The following KIF26B variants were observed in gnomAD, a reference collection of about 807,000 sequenced individuals.
KIF26B encodes the protein kinesin family member 26B.
A neutral mutation model predicts 151.2 loss-of-function variants in KIF26B; 63 were observed. The ratio of observed to expected loss-of-function variants is 0.42; its 90% CI spans 0.34 to 0.51. The LOEUF is 0.51. KIF26B is among the 20% of genes least tolerant of loss of function. KIF26B has a pLI of 0.07. For missense variants in KIF26B, 2,813 were observed against 2,913.6 expected (o/e 0.97, Z 0.79); for synonymous variants, 1,357 against 1,262.1 (o/e 1.08, Z -1.59).
intron 4 of KIF26B, among the ~76,000 whole-genome samples, chr1:245,469,780 C>G (rs1358674306): frequency 6.6e-6 from 1 of 152,146 alleles, no homozygotes; most frequent in Non-Finnish European, 1.5e-5. Context: ...ACTTAGAGCC[C>G]TATTGCAACA....
In KIF26B at chr1:245,156,509, G is replaced by A; in HGVS notation, c.291G>A (p.Pro97=). 1 of 1,530,862 alleles carries A rather than the reference G, an allele frequency of 6.5e-7. No homozygotes were observed. Among genetic ancestry groups the A allele is most frequent in the East Asian group, 2.5e-5 (1 of 40,232 alleles). 94.8% of individuals were successfully genotyped at this position (1,530,862 alleles called of 1,614,324 possible). The change falls in exon 2 of 15, where the codon CCG becomes CCA. Residue 97 remains proline (P), a synonymous_variant. Transcript: ENST00000407071. ...CCCCCGGCATCGGCACTAGTTCGCC[G>A]GGCTCCTTGGGCGGCTCTCCGGGCT... ...PASPGIGTSS[P]GSLGGSPGFG... is the part of the protein sequence containing the mutation.
intron 5 of KIF26B, among the ~76,000 whole-genome samples, chr1:245,600,814 A>G (rs1002263934): frequency 6.6e-6 from 1 of 152,132 alleles, no homozygotes; most frequent in Non-Finnish European, 1.5e-5. Flanking sequence ...ACAGCCGCCC[A>G]TATGACGGGC....
At chr1:245,300,533 T>C (rs1002075650) in intron 2 of KIF26B, among the ~76,000 whole-genome samples, 1 of 150,378 alleles carries the variant, frequency 6.6e-6, no homozygotes, top group South Asian at 2.1e-4. Context: ...TTTTCTTTTT[T>C]CTTTTTTTTT....
chr1:245,562,156 G>T (rs571579109), intron 5 of KIF26B, among the ~76,000 whole-genome samples: 6 of 152,230 alleles, frequency 3.9e-5, no homozygotes, highest in Admixed American at 1.3e-4. Context: ...TGTGCTAGTG[G>T]TCCCTTCAGA....
At chr1:245,463,771 G>A (rs985452436) in intron 4 of KIF26B, among the ~76,000 whole-genome samples, 2 of 152,222 alleles carry the variant, frequency 1.3e-5, no homozygotes, top group African/African-American at 4.8e-5. Flanking sequence ...GATTTGTGTT[G>A]TATGAGTTTA....
intron 5 of KIF26B, among the ~76,000 whole-genome samples, chr1:245,599,400 G>C (rs2103143048): frequency 6.6e-6 from 1 of 152,322 alleles, no homozygotes; most frequent in South Asian, 2.1e-4. Context: ...CCAGCGACTG[G>C]GATCTTCAGC....
chr1:245,660,836 G>A (rs992565215), intron 10 of KIF26B, among the ~76,000 whole-genome samples: 3 of 151,988 alleles, frequency 2.0e-5, no homozygotes, highest in African/African-American at 7.3e-5. Context: ...CATTTTTTGA[G>A]ACGGGGTCTC....
At chr1:245,445,586 G>C (rs1490411569) in intron 4 of KIF26B, among the ~76,000 whole-genome samples, 1 of 152,152 alleles carries the variant, frequency 6.6e-6, no homozygotes, top group East Asian at 1.9e-4. Flanking sequence ...AGACACATAG[G>C]CTATTCTATT....
intron 5 of KIF26B, among the ~76,000 whole-genome samples, chr1:245,584,095 C>G (rs2043202319): frequency 6.6e-6 from 1 of 152,196 alleles, no homozygotes; most frequent in African/African-American, 2.4e-5. Flanking sequence ...GTGACTGCAT[C>G]ATGGATCCCT....
chr1:245,580,802 G>A (rs181248438), intron 5 of KIF26B, among the ~76,000 whole-genome samples: 15 of 152,258 alleles, frequency 9.9e-5, no homozygotes, highest in Admixed American at 6.5e-4. Flanking sequence ...TGGATACAGC[G>A]CATGCCTCCT....
At chr1:245,509,908 G>A (rs891957383) in intron 4 of KIF26B, among the ~76,000 whole-genome samples, 34 of 152,072 alleles carry the variant, frequency 2.2e-4, no homozygotes, top group Admixed American at 5.2e-4. Flanking sequence ...CATCTTCACC[G>A]GTTCCTGTGC....
intron 2 of KIF26B, among the ~76,000 whole-genome samples, chr1:245,186,324 C>T (rs923120071): frequency 1.3e-5 from 2 of 152,158 alleles, no homozygotes; most frequent in African/African-American, 2.4e-5. Context: ...AAGCCACTTT[C>T]GCAAAGAATG....
chr1:245,173,717 G>A (rs1207563786), intron 2 of KIF26B, among the ~76,000 whole-genome samples: 4 of 152,192 alleles, frequency 2.6e-5, no homozygotes, highest in Non-Finnish European at 5.9e-5. Context: ...TTGAGAATTG[G>A]GGCCAGGTGA....
chr1:245,555,008 T>C (rs539877937), intron 5 of KIF26B, among the ~76,000 whole-genome samples: 1 of 152,312 alleles, frequency 6.6e-6, no homozygotes, highest in South Asian at 2.1e-4. Flanking sequence ...TAGAAAGTCG[T>C]CTGCCCTTCC....
At chr1:245,374,311 G>A (rs190664865) in intron 3 of KIF26B, among the ~76,000 whole-genome samples, 17 of 150,480 alleles carry the variant, frequency 1.1e-4, no homozygotes, top group South Asian at 2.1e-4. Flanking sequence ...GCTCTGGGAG[G>A]CCCACCAAGT....
At chr1:245,455,971 A>T (rs1409937074) in intron 4 of KIF26B, among the ~76,000 whole-genome samples, 1 of 152,238 alleles carries the variant, frequency 6.6e-6, no homozygotes, top group Non-Finnish European at 1.5e-5. Context: ...TTCTAATTAC[A>T]AATCTGGCCC....
chr1:245,212,527 T>C (rs1669559700), intron 2 of KIF26B, among the ~76,000 whole-genome samples: 1 of 152,104 alleles, frequency 6.6e-6, no homozygotes, highest in Non-Finnish European at 1.5e-5. Flanking sequence ...CGAATGCAGG[T>C]TTTCTCTCTC....
intron 9 of KIF26B, among the ~76,000 whole-genome samples, chr1:245,613,506 G>A (rs1183320028): frequency 6.6e-6 from 1 of 152,230 alleles, no homozygotes; most frequent in Non-Finnish European, 1.5e-5. Context: ...TCTGAGGCAG[G>A]AGAATTGCTT....
At position 245,215,967 on chromosome 1, in the gene KIF26B, C is replaced by A. The variant is rs529771980; in HGVS notation, c.465+59284C>A. Among the ~76,000 whole-genome samples the A allele has an allele frequency of 2.0e-3, 299 of 152,152 alleles. 1 individual carries two copies. Among genetic ancestry groups the A allele is most frequent in the African/African-American group, 7.1e-3 (293 of 41,492 alleles). On this transcript the variant is annotated intron_variant, in intron 2 of 14. Coordinates refer to ENST00000407071, the MANE Select transcript of KIF26B (RefSeq NM_018012.4). Reference sequence around the variant, plus strand: ...TCAAAGCTGGGTTCAGTGGTGAGCACCTGTTGTCCCAGCTGCTAGGGAGGC... The same window carrying A: ...TCAAAGCTGGGTTCAGTGGTGAGCAACTGTTGTCCCAGCTGCTAGGGAGGC...
Sources: allele counts gnomAD v4.1 joint callset (sites outside exome capture counted in the v4.1 genomes callset), GRCh38; gene constraint gnomAD v4.1.1; transcripts MANE v1.5; gene names NCBI Gene and HGNC (gene_info 2026-07-23, HGNC 2026-07-21).